TMEM161B: variants seen among roughly 807,000 people sequenced by gnomAD.
TMEM161B encodes transmembrane protein 161B.
A neutral mutation model predicts 61.8 loss-of-function variants in TMEM161B; 34 were observed. The ratio of observed to expected loss-of-function variants is 0.55; its 90% CI spans 0.42 to 0.73. The LOEUF is 0.73. Among genes scored for constraint, TMEM161B ranks in the 30% least tolerant of loss-of-function variants. The pLI, the probability that TMEM161B is intolerant of heterozygous loss-of-function variation, is 0.00. For synonymous variants in TMEM161B, 167 were observed against 192.8 expected (o/e 0.87, Z 1.11); for missense variants, 456 against 558.5 (o/e 0.82, Z 1.85).
intron 8 of TMEM161B, 92 bp downstream of exon 8, chr5:88,205,722 C>A (rs1325160792): frequency 7.1e-7 from 1 of 1,412,334 alleles, no homozygotes; most frequent in East Asian, 2.6e-5. Flanking sequence ...ATTTTCAATA[C>A]AATAATTTAT....
At chr5:88,208,437 G>A (rs1386944646) in intron 5 of TMEM161B, among the ~76,000 whole-genome samples, 1 of 151,566 alleles carries the variant, frequency 6.6e-6, no homozygotes, top group Non-Finnish European at 1.5e-5. Flanking sequence ...AGCTGAGATC[G>A]CGCCACTGCA....
At chr5:88,257,858 T>C (rs1243880846) in intron 1 of TMEM161B, among the ~76,000 whole-genome samples, 3 of 152,094 alleles carry the variant, frequency 2.0e-5, no homozygotes, top group Non-Finnish European at 4.4e-5. Context: ...AATTAGTAGT[T>C]TGTGGGAATT....
At chr5:88,205,997 T>A in intron 7 of TMEM161B, 43 bp from the exon 8 acceptor site, 1 of 1,401,608 alleles carries the variant, frequency 7.1e-7, no homozygotes, top group Non-Finnish European at 9.8e-7. Context: ...TTTTTATAAT[T>A]AGCTTTTGAA....
Position 88,196,016 on chromosome 5 carries a change from A to G in TMEM161B, c.*195T>C. On this transcript the variant is annotated 3_prime_UTR_variant, in exon 12 of 12. Transcript: ENST00000296595. ...CCAATGCCACAGTGTAACAGTTAAC[A>G]ATCTATTTTGTAATTTTAAATATTA... 1 of 1,370,824 alleles carries G rather than the reference A, an allele frequency of 7.3e-7. No homozygotes were observed. The highest frequency in any genetic ancestry group is 1.7e-5 in the South Asian group (1 of 58,470). 84.9% of individuals were successfully genotyped at this position (1,370,824 alleles called of 1,614,324 possible).
At chr5:88,264,026 C>T (rs1053929189) in intron 1 of TMEM161B, among the ~76,000 whole-genome samples, 17 of 152,076 alleles carry the variant, frequency 1.1e-4, no homozygotes, top group African/African-American at 4.1e-4. Context: ...TGTCAAATTA[C>T]CACTCAGCTG....
chr5:88,211,555 T>C (rs1214464412), intron 5 of TMEM161B, among the ~76,000 whole-genome samples: 1 of 150,792 alleles, frequency 6.6e-6, no homozygotes, highest in East Asian at 2.0e-4. Context: ...AGGTCAGGAG[T>C]TTGAGACCAG....
chr5:88,239,828 G>GT (rs1752436558), intron 2 of TMEM161B, among the ~76,000 whole-genome samples: 1 of 151,986 alleles, frequency 6.6e-6, no homozygotes, highest in Admixed American at 6.6e-5. Context: ...AATGAAAAGC[G>GT]TATTTGTCTT....
chr5:88,262,479 G>A (rs1368080715), intron 1 of TMEM161B, among the ~76,000 whole-genome samples: 1 of 152,092 alleles, frequency 6.6e-6, no homozygotes, highest in Non-Finnish European at 1.5e-5. Flanking sequence ...GTTCATAATT[G>A]CCAAAATCTG....
rs548331370 is a variant in TMEM161B at position 88,248,229 on chromosome 5, G to C, written c.4-7313C>G. ...GCAAGGACATTTTTCCAAGGCTGGT[G>C]GCCAGCCCCAAGCCAATCAGCCCAT... is the stretch of plus-strand genomic sequence containing the variant. On this transcript the variant is annotated intron_variant, in intron 1 of 11. Coordinates refer to ENST00000296595, the MANE Select transcript of TMEM161B (RefSeq NM_153354.5). Among the ~76,000 whole-genome samples, 53 of 152,168 alleles carry C rather than the reference G, an allele frequency of 3.5e-4. No individual in the cohort carries two copies. In the East Asian group the frequency reaches 9.9e-3, roughly 28 times the overall value.
At chr5:88,260,399 A>G (rs549863144) in intron 1 of TMEM161B, among the ~76,000 whole-genome samples, 1 of 152,248 alleles carries the variant, frequency 6.6e-6, no homozygotes, top group African/African-American at 2.4e-5. Flanking sequence ...GTTCAAGCAC[A>G]CTTTCAATGC....
intron 9 of TMEM161B, chr5:88,200,936 C>T (rs1747747243): frequency 1.3e-5 from 2 of 152,010 alleles, no homozygotes; most frequent in South Asian, 4.1e-4. Flanking sequence ...AAGACCTTTC[C>T]ACAAACCAAT....
intron 5 of TMEM161B, among the ~76,000 whole-genome samples, chr5:88,210,334 GATA>G (rs1457459069): frequency 3.9e-5 from 6 of 152,106 alleles, no homozygotes; most frequent in African/African-American, 4.8e-5. Flanking sequence ...AATACAAACA[GATA>G]ATGATACCAT....
At chr5:88,251,002 CTGAG>C (rs1227832189) in intron 1 of TMEM161B, 6 of 152,162 alleles carry the variant, frequency 3.9e-5, no homozygotes, top group African/African-American at 1.2e-4. Context: ...GCTCAACTGA[CTGAG>C]TGAGACTGAT....
At chr5:88,209,776 C>T (rs1198853244) in intron 5 of TMEM161B, among the ~76,000 whole-genome samples, 1 of 152,160 alleles carries the variant, frequency 6.6e-6, no homozygotes, top group African/African-American at 2.4e-5. Flanking sequence ...CAATAGTCCC[C>T]AAATCTCCAC....
At chr5:88,217,603 A>C (rs995259709) in intron 5 of TMEM161B, among the ~76,000 whole-genome samples, 2 of 151,996 alleles carry the variant, frequency 1.3e-5, no homozygotes, top group African/African-American at 4.8e-5. Flanking sequence ...TAATAATAGG[A>C]GGTATTAGAA....
chr5:88,208,422 C>A lies in TMEM161B; in HGVS notation c.447-1242G>T, dbSNP rs193088353. Among the ~76,000 whole-genome samples the A allele has an allele frequency of 6.7e-4, 102 of 152,008 alleles. 2 individuals carry two copies. In the East Asian group the frequency reaches 0.019, roughly 29 times the overall value. ...GCGTGAACCCGGGAGGCGGAGCTTGCAGTGAGCTGAGATCGCGCCACTGCA... is the reference window on the plus strand; with the variant it reads ...GCGTGAACCCGGGAGGCGGAGCTTGAAGTGAGCTGAGATCGCGCCACTGCA... On this transcript the variant is annotated intron_variant, in intron 5 of 11. Coordinates refer to ENST00000296595, the MANE Select transcript of TMEM161B (RefSeq NM_153354.5).
chr5:88,199,369 G>T, intron 9 of TMEM161B: 1 of 382,694 alleles, frequency 2.6e-6, no homozygotes, highest in South Asian at 8.9e-5. Flanking sequence ...AAGTTAACAG[G>T]TATCTAGAAG....
intron 9 of TMEM161B, 37 bp from the exon 10 acceptor site, chr5:88,199,187 C>A (rs761997094): frequency 6.4e-7 from 1 of 1,561,246 alleles, no homozygotes; most frequent in Non-Finnish European, 8.7e-7. Flanking sequence ...CTCTCAAAGA[C>A]AACAATATGC....
chr5:88,234,068 T>C (rs1751437363), intron 2 of TMEM161B, among the ~76,000 whole-genome samples: 1 of 152,178 alleles, frequency 6.6e-6, no homozygotes, highest in Admixed American at 6.5e-5. Flanking sequence ...GGAGGGGCTT[T>C]GTTTTTTAAG....
Sources: gnomAD v4.1 joint callset for allele counts (sites outside exome capture counted in the v4.1 genomes callset) on GRCh38, gnomAD v4.1.1 for gene constraint, MANE v1.5 for transcripts, NCBI Gene and HGNC (gene_info 2026-07-23, HGNC 2026-07-21) for gene names.